The following ARSD variants were observed in gnomAD, a reference collection of about 807,000 sequenced individuals.
ARSD encodes arylsulfatase D.
Under a neutral mutation model 32.6 loss-of-function variants are expected in ARSD, and 21 were observed. The observed-to-expected ratio is 0.64, with a 90% CI of 0.46 to 0.93. The LOEUF (loss-of-function observed/expected upper bound fraction) is 0.93, where lower values mean the gene tolerates loss of function less well. Ranked by LOEUF, ARSD falls within the 40% of genes least tolerant of loss-of-function variation. The probability of loss-of-function intolerance (pLI) is 0.00; values close to 1 mark genes in which losing one functional copy is unlikely to be tolerated. For synonymous variants in ARSD, 224 were observed against 237.4 expected, an observed-to-expected ratio of 0.94 and a Z score of 0.52; for missense variants, 454 against 520.9, an observed-to-expected ratio of 0.87 and a Z score of 1.25.
intron 5 of ARSD, among the ~76,000 whole-genome samples, chrX:2,916,815 A>G (rs1398963847): frequency 1.8e-5 from 2 of 111,901 alleles, no homozygotes; most frequent in Non-Finnish European, 3.8e-5. Context: ...ATAGCAGAGT[A>G]GGGTGACCAA....
In ARSD at chrX:2,929,282, G is replaced by A. The variant is rs1404983414; in HGVS notation, c.-7C>T. The stretch of plus-strand genomic sequence containing the variant: ...TCCGCGCGGCGGATCGCATGGCCGA[G>A]CGCTGGCCCAGAGCGCAGGACCTTG... On this transcript the variant is annotated 5_prime_UTR_variant, in exon 1 of 10. Coordinates refer to ENST00000381154, the MANE Select transcript of ARSD (RefSeq NM_001669.4). The A allele has an allele frequency of 3.0e-6, 3 of 1,003,256 alleles. No individual in the cohort carries two copies. The highest frequency in any genetic ancestry group is 1.1e-4 in the Admixed American group (2 of 18,122). 82.7% of individuals were successfully genotyped at this position (1,003,256 alleles called of 1,213,427 possible). A position where few individuals can be genotyped will look rare whatever the true frequency, so the allele number is the denominator to read the frequency against.
intron 4 of ARSD, among the ~76,000 whole-genome samples, chrX:2,919,760 C>T (rs2089011396): frequency 9.0e-6 from 1 of 111,658 alleles, no homozygotes; most frequent in Admixed American, 9.5e-5. Context: ...CAACAGAAAC[C>T]CCTGGGCACT....
chrX:2,911,796 G>C (rs1398518766), intron 6 of ARSD, among the ~76,000 whole-genome samples: 1 of 111,561 alleles, frequency 9.0e-6, no homozygotes, highest in Non-Finnish European at 1.9e-5. Flanking sequence ...CCTCCCTTTG[G>C]AATTCAGGCA....
At chrX:2,921,246 A>T (rs576272661) in intron 3 of ARSD, among the ~76,000 whole-genome samples, 1 of 111,870 alleles carries the variant, frequency 8.9e-6, no homozygotes, top group South Asian at 3.7e-4. Flanking sequence ...TGGATCCATC[A>T]TCTATCATCT....
At chrX:2,919,994 C>T (rs1282758030) in intron 4 of ARSD, among the ~76,000 whole-genome samples, 1 of 111,401 alleles carries the variant, frequency 9.0e-6, no homozygotes, top group Non-Finnish European at 1.9e-5. Context: ...ATGCCAAATC[C>T]TCCTAGCAAC....
intron 1 of ARSD, among the ~76,000 whole-genome samples, chrX:2,926,124 T>C (rs1165370288): frequency 8.9e-6 from 1 of 112,278 alleles, no homozygotes; most frequent in Non-Finnish European, 1.9e-5. Flanking sequence ...AGTGTAAGTG[T>C]GCATTTATCT....
chrX:2,923,218 C>T (rs1163919564), intron 2 of ARSD: 1 of 246,826 alleles, frequency 4.1e-6, no homozygotes, highest in Admixed American at 4.4e-5. Flanking sequence ...TCACGCCTGT[C>T]ATCCCAGCAC....
At position 2,907,354 on chromosome X, in the gene ARSD, T is replaced by C; in HGVS notation, c.1699A>G (p.Ile567Val). The C allele has an allele frequency of 8.3e-7, 1 of 1,211,988 alleles. No homozygotes were observed. The highest frequency in any genetic ancestry group is 1.8e-5 in the South Asian group (1 of 56,994). Residue 567 changes from isoleucine (I) to valine (V), a missense_variant, in exon 10 of 10, where the codon ATC (isoleucine) becomes GTC (valine). Transcript: ENST00000381154. Reference sequence around the variant, plus strand: ...GGCTGCAGCCACGGCTTCCACAGGATGTTGCTCATGGAAAACTGCTGGGGC... The same window carrying C: ...GGCTGCAGCCACGGCTTCCACAGGACGTTGCTCATGGAAAACTGCTGGGGC... ...PVPQQFSMSN[I>V]LWKPWLQPCC...
intron 6 of ARSD, chrX:2,914,451 G>T: frequency 1.5e-6 from 1 of 668,041 alleles, no homozygotes; most frequent in Non-Finnish European, 1.9e-6. Flanking sequence ...TGTTGCCCAG[G>T]CTGGTCTTGA....
At chrX:2,928,661 A>G (rs139978659) in intron 1 of ARSD, among the ~76,000 whole-genome samples, 32,140 of 74,176 alleles carry the variant, frequency 0.43, 5,212 homozygotes, top group South Asian at 0.57. Context: ...CCGTGCTGGA[A>G]GGCATCGAGC....
rs2147301779 is a variant in ARSD, at chrX:2,905,125, G to A, written c.*2146C>T. 3.0e-6 allele frequency: 1 copy of A among 335,645 alleles called. No individual in the cohort carries two copies. The highest frequency in any genetic ancestry group is 5.9e-6 in the Non-Finnish European group (1 of 168,175). The allele number at this position is 335,645 out of a possible 1,213,427, so 27.7% of individuals were successfully genotyped here. On this transcript the variant is annotated 3_prime_UTR_variant, in exon 10 of 10. Coordinates refer to ENST00000381154, the MANE Select transcript of ARSD (RefSeq NM_001669.4). Reference sequence around the variant, plus strand: ...CATCAGCTGCCTGGTTAGCAGGGCTGTGATGATTCTTCTACCTATGACTCT... The same window carrying A: ...CATCAGCTGCCTGGTTAGCAGGGCTATGATGATTCTTCTACCTATGACTCT...
intron 6 of ARSD, chrX:2,914,434 C>A: frequency 1.3e-5 from 6 of 470,277 alleles, no homozygotes; most frequent in African/African-American, 2.7e-5. Context: ...GGGGGGGCGT[C>A]TCACTATGTT....
intron 6 of ARSD, chrX:2,914,905 C>A: frequency 3.5e-6 from 3 of 862,826 alleles, no homozygotes; most frequent in Non-Finnish European, 4.5e-6. Context: ...GACAGGGTCT[C>A]ACTCTGTTGC....
chrX:2,908,950 G>A, intron 8 of ARSD, 108 bp from the exon 9 acceptor site: 2 of 1,086,754 alleles, frequency 1.8e-6, no homozygotes, highest in Non-Finnish European at 2.5e-6. Context: ...AGCAAATGGA[G>A]CAGAGATGAG....
At chrX:2,908,576 CTA>C in intron 9 of ARSD, 143 bp downstream of exon 9, 1 of 351,770 alleles carries the variant, frequency 2.8e-6, no homozygotes. Flanking sequence ...ATCGGTTTAT[CTA>C]TCTCTATTTC....
intron 1 of ARSD, among the ~76,000 whole-genome samples, chrX:2,928,642 G>A (rs1402675687): frequency 1.0e-5 from 1 of 96,469 alleles, no homozygotes; most frequent in African/African-American, 3.8e-5. Context: ...GTGGACCCGG[G>A]GAACACGGCC....
At chrX:2,908,171 C>T (rs1471987169) in intron 9 of ARSD, among the ~76,000 whole-genome samples, 1 of 111,529 alleles carries the variant, frequency 9.0e-6, no homozygotes, top group Non-Finnish European at 1.9e-5. Flanking sequence ...TGTTTATCTA[C>T]CTTTCATCCA....
rs1365173906 is a variant in ARSD, at chrX:2,905,625, G to A, written c.*1646C>T. On this transcript the variant is annotated 3_prime_UTR_variant, in exon 10 of 10. Coordinates refer to ENST00000381154, the MANE Select transcript of ARSD (RefSeq NM_001669.4). ...AACTTTCCATCAGGGCATCTTCTGT[G>A]CCTCTGAGGATCATTTTCCAATTAT... 1 of 113,012 alleles carries A rather than the reference G, an allele frequency of 8.8e-6. No individual in the cohort carries two copies. Among genetic ancestry groups the A allele is most frequent in the African/African-American group, 3.2e-5 (1 of 31,099 alleles). The allele number at this position is 113,012 out of a possible 1,213,427, so 9.3% of individuals were successfully genotyped here. A position where few individuals can be genotyped will look rare whatever the true frequency, so the allele number is the denominator to read the frequency against.
At chrX:2,928,842 T>C (rs992844126) in intron 1 of ARSD, among the ~76,000 whole-genome samples, 4 of 111,586 alleles carry the variant, frequency 3.6e-5, no homozygotes, top group Non-Finnish European at 7.6e-5. Flanking sequence ...CGGGCAGCGG[T>C]GTAGCTGGGC....
Sources: gnomAD v4.1 joint callset for allele counts (sites outside exome capture counted in the v4.1 genomes callset) on GRCh38, gnomAD v4.1.1 for gene constraint, MANE v1.5 for transcripts, NCBI Gene and HGNC (gene_info 2026-07-23, HGNC 2026-07-21) for gene names.